Variants in SLC37A3 observed in about 807,000 individuals in gnomAD.
SLC37A3 encodes solute carrier family 37 member 3.
Under a neutral mutation model 67.1 loss-of-function variants are expected in SLC37A3, and 51 were observed. The observed-to-expected ratio is 0.76, with a 90% CI of 0.61 to 0.96. The LOEUF is 0.96. Among genes scored for constraint, SLC37A3 ranks in the 40% least tolerant of loss-of-function variants. SLC37A3 has a pLI of 0.00. For synonymous variants in SLC37A3, 214 were observed against 231.4 expected, an observed-to-expected ratio of 0.92 and a Z score of 0.68; for missense variants, 508 against 603.0, an observed-to-expected ratio of 0.84 and a Z score of 1.65.
chr7:140,347,072 G>A (rs1004391963), intron 10 of SLC37A3, among the ~76,000 whole-genome samples: 15 of 152,086 alleles, frequency 9.9e-5, no homozygotes, highest in Admixed American at 7.2e-4. Flanking sequence ...ACCAGCCTGG[G>A]CAATACAGTG....
In SLC37A3 at chr7:140,339,264, GT is replaced by G. The variant is rs748009768; in HGVS notation, c.1327-1916del. Among the ~76,000 whole-genome samples, 754 of 130,738 alleles carry G rather than the reference GT, an allele frequency of 5.8e-3. 5 individuals carry two copies. The highest frequency in any genetic ancestry group is 0.019 in the African/African-American group (653 of 34,986). The allele number at this position is 130,738 out of a possible 152,430, so 85.8% of individuals were successfully genotyped here. On this transcript the variant is annotated intron_variant, in intron 13 of 14. Coordinates refer to ENST00000326232, the MANE Select transcript of SLC37A3 (RefSeq NM_207113.3). ...ATACAAATATCTGAGTCCCAGTTTT[GT>G]TTTTTTTTTTTTTTTGAGAGAGTCT... is the stretch of plus-strand genomic sequence containing the variant.
chr7:140,364,280 G>T, intron 5 of SLC37A3, 128 bp downstream of exon 5: 1 of 864,170 alleles, frequency 1.2e-6, no homozygotes, highest in Non-Finnish European at 1.7e-6. Context: ...TCATCTAAGT[G>T]AAAAGGCAAA....
At chr7:140,350,279 G>A (rs375177993) in intron 9 of SLC37A3, among the ~76,000 whole-genome samples, 2 of 152,316 alleles carry the variant, frequency 1.3e-5, no homozygotes, top group East Asian at 3.9e-4. Context: ...AAGTTAGTGG[G>A]TAAGCTGGAA....
intron 13 of SLC37A3, among the ~76,000 whole-genome samples, chr7:140,340,383 A>G (rs1010306824): frequency 6.6e-6 from 1 of 151,292 alleles, no homozygotes; most frequent in African/African-American, 2.4e-5. Flanking sequence ...CTATTTATTG[A>G]GAGACCATCC....
At chr7:140,344,315 C>T (rs1796470424) in intron 12 of SLC37A3, among the ~76,000 whole-genome samples, 1 of 151,852 alleles carries the variant, frequency 6.6e-6, no homozygotes, top group African/African-American at 2.4e-5. Flanking sequence ...GTAATCCCAA[C>T]TACTTGGGAA....
At chr7:140,385,552 A>G (rs1798416495) in intron 1 of SLC37A3, among the ~76,000 whole-genome samples, 1 of 152,192 alleles carries the variant, frequency 6.6e-6, no homozygotes, top group Non-Finnish European at 1.5e-5. Context: ...TATCATGTAA[A>G]ATCATAATTC....
chr7:140,371,348 A>G (rs1304025464), intron 3 of SLC37A3, among the ~76,000 whole-genome samples: 1 of 151,816 alleles, frequency 6.6e-6, no homozygotes. Flanking sequence ...TAATTTTTGT[A>G]TTTTTAGTAG....
intron 3 of SLC37A3, among the ~76,000 whole-genome samples, chr7:140,373,747 G>A (rs74847937): frequency 0.1 from 15,194 of 149,164 alleles, 836 homozygotes; most frequent in South Asian, 0.19. Flanking sequence ...GGGCTCAAGC[G>A]ATCCAGCATT....
rs1278786865 is a variant in SLC37A3 at position 140,335,191 on chromosome 7, C to T, written c.*221G>A. On this transcript the variant is annotated 3_prime_UTR_variant, in exon 15 of 15. Transcript: ENST00000326232. ...AGAGTCAGAAGTCACTCGGCACATTCATGAAACAACAGCAAAAATCATCAA... is the reference window on the plus strand; with the variant it reads ...AGAGTCAGAAGTCACTCGGCACATTTATGAAACAACAGCAAAAATCATCAA... The T allele has an allele frequency of 6.3e-7, 1 of 1,585,338 alleles. No individual in the cohort carries two copies. The highest frequency in any genetic ancestry group is 2.2e-5 in the East Asian group (1 of 44,466).
rs778487578 is a variant in SLC37A3, at chr7:140,345,279, C to G, written c.1127-16G>C. 3.3e-5 allele frequency: 53 copies of G among 1,612,486 alleles called. No individual in the cohort carries two copies. In the Admixed American group the frequency reaches 8.5e-4, roughly 26 times the overall value. On this transcript the variant is annotated splice_polypyrimidine_tract_variant and intron_variant, in intron 11 of 14. Transcript: ENST00000326232. ...TTTGGAGAACCTGTGAGGGAAGACA[C>G]AGACAAACCATGGTGGCTTGAAAAG...
At chr7:140,367,793 G>A (rs1441725569) in intron 4 of SLC37A3, among the ~76,000 whole-genome samples, 1 of 150,626 alleles carries the variant, frequency 6.6e-6, no homozygotes, top group Non-Finnish European at 1.5e-5. Flanking sequence ...GTCTCCCAGG[G>A]TGCTACCTCT....
rs1304554473 is a variant in SLC37A3 at position 140,382,473 on chromosome 7, A to G, written c.54T>C (p.His18=). 2 of 1,614,200 alleles carry G rather than the reference A, an allele frequency of 1.2e-6. No individual in the cohort carries two copies. The highest frequency in any genetic ancestry group is 1.7e-6 in the Non-Finnish European group (2 of 1,180,022). The part of the protein sequence containing the change: ...QRGSLLSQFS[H]HHVVVFLLTF... The stretch of plus-strand genomic sequence containing the variant: ...TGAGCAGGAACACTACAACATGATG[A>G]TGGCTGAACTGGGACAGCAGAGACC... Residue 18 remains histidine, a synonymous_variant, in exon 2 of 15, where the codon CAT becomes CAC. Coordinates refer to ENST00000326232, the MANE Select transcript of SLC37A3 (RefSeq NM_207113.3).
At chr7:140,352,858 A>C (rs1472218610) in intron 7 of SLC37A3, among the ~76,000 whole-genome samples, 1 of 152,186 alleles carries the variant, frequency 6.6e-6, no homozygotes, top group African/African-American at 2.4e-5. Flanking sequence ...TTTATTTAAC[A>C]GAGAATGGAA....
Position 140,383,213 on chromosome 7 carries a change from G to T in SLC37A3, c.-70-617C>A, listed in dbSNP as rs183479881. ...TGCTTTCACTTAAAAAAAAAAAAAA[G>T]AATTTCCAGGGATCTATTCCTTAAA... On this transcript the variant is annotated intron_variant, in intron 1 of 14. Transcript: ENST00000326232. Among the ~76,000 whole-genome samples the T allele has an allele frequency of 9.1e-3, 1,337 of 146,386 alleles. 21 individuals carry two copies. The highest frequency in any genetic ancestry group is 0.032 in the African/African-American group (1,267 of 39,980).
chr7:140,350,726 T>G, intron 9 of SLC37A3, among the ~76,000 whole-genome samples: 1 of 152,062 alleles, frequency 6.6e-6, no homozygotes, highest in East Asian at 1.9e-4. Context: ...ACTGCGCCAC[T>G]GCACTCCAGC....
At chr7:140,396,883 T>G (rs74749837) in intron 1 of SLC37A3, among the ~76,000 whole-genome samples, 37 of 62,706 alleles carry the variant, frequency 5.9e-4, no homozygotes, top group Admixed American at 1.4e-3. Flanking sequence ...TCAATTTCTG[T>G]TTTTTTTTTT....
rs529851386 is a variant in SLC37A3, at chr7:140,375,178, A to C, written c.198+5104T>G. Among the ~76,000 whole-genome samples the C allele has an allele frequency of 3.8e-4, 57 of 150,998 alleles. 1 individual carries two copies. The South Asian group carries it at 9.5e-3, about 25-fold the overall frequency. On this transcript the variant is annotated intron_variant, in intron 3 of 14. Transcript: ENST00000326232. ...CAAAAAAAAAACAAAAAACAACAAA[A>C]AAAAAACAGGCTGGGTGCAGTGGCT...
intron 3 of SLC37A3, among the ~76,000 whole-genome samples, chr7:140,372,697 T>C (rs1173110811): frequency 1.3e-5 from 2 of 152,022 alleles, no homozygotes; most frequent in Admixed American, 1.3e-4. Flanking sequence ...ATCCCATCTC[T>C]GCTAAAATTA....
chr7:140,357,605 C>T (rs1322349738), intron 6 of SLC37A3, among the ~76,000 whole-genome samples: 1 of 150,468 alleles, frequency 6.6e-6, no homozygotes, highest in Non-Finnish European at 1.5e-5. Context: ...AGAGTACATA[C>T]TGTATGATTC....
Sources: allele counts gnomAD v4.1 joint callset (sites outside exome capture counted in the v4.1 genomes callset), GRCh38; gene constraint gnomAD v4.1.1; transcripts MANE v1.5; gene names NCBI Gene and HGNC (gene_info 2026-07-23, HGNC 2026-07-21).